Variants in GRHL1 observed in about 807,000 individuals in gnomAD.
GRHL1 encodes the protein grainyhead like transcription factor 1.
In GRHL1, 38 loss-of-function variants were observed where a neutral mutation model predicts 75.7. The observed-to-expected ratio is 0.50, with a 90% CI of 0.39 to 0.66. GRHL1 has a LOEUF of 0.66. Ranked by LOEUF, GRHL1 falls within the 30% of genes least tolerant of loss-of-function variation. The pLI is 0.00. For synonymous variants in GRHL1, 266 were observed against 279.4 expected (o/e 0.95, Z 0.48); for missense variants, 589 against 767.5 (o/e 0.77, Z 2.75).
chr2:9,960,284 C>T (rs889602057), intron 3 of GRHL1: 1 of 151,844 alleles, frequency 6.6e-6, no homozygotes, highest in African/African-American at 2.4e-5. Context: ...ACTAAAAATA[C>T]AAAAATTAGC....
chr2:9,975,765 A>G (rs1310048657), intron 8 of GRHL1, among the ~76,000 whole-genome samples: 1 of 152,094 alleles, frequency 6.6e-6, no homozygotes, highest in Non-Finnish European at 1.5e-5. Context: ...GCGTGCCTGT[A>G]ATCTCAGCTA....
At chr2:9,964,491 C>T (rs1037816217) in intron 7 of GRHL1, 145 bp downstream of exon 7, 9 of 588,590 alleles carry the variant, frequency 1.5e-5, no homozygotes, top group Middle Eastern at 2.8e-4. Context: ...ACACTGTCCT[C>T]GGCCTCCTGG....
chr2:9,956,691 G>C (rs185841806), intron 2 of GRHL1, among the ~76,000 whole-genome samples: 19 of 152,314 alleles, frequency 1.2e-4, no homozygotes, highest in African/African-American at 4.6e-4. Context: ...TAGCCATGAA[G>C]AGTTCCTTTG....
intron 8 of GRHL1, among the ~76,000 whole-genome samples, chr2:9,982,935 A>G (rs1217830645): frequency 1.3e-5 from 2 of 152,162 alleles, no homozygotes; most frequent in Non-Finnish European, 2.9e-5. Context: ...TCATCTAGAG[A>G]TCCACGAACT....
chr2:9,961,704 G>A (rs1667282754), intron 4 of GRHL1, among the ~76,000 whole-genome samples: 1 of 152,172 alleles, frequency 6.6e-6, no homozygotes, highest in Non-Finnish European at 1.5e-5. Flanking sequence ...TGGAGAAAGA[G>A]AACCCCATAC....
chr2:9,960,943 G>C, intron 3 of GRHL1, 103 bp from the exon 4 acceptor site: 2 of 785,880 alleles, frequency 2.5e-6, no homozygotes, highest in South Asian at 1.9e-5. Flanking sequence ...ATTCTGTCAA[G>C]TGTTATTGCA....
intron 8 of GRHL1, among the ~76,000 whole-genome samples, chr2:9,984,195 C>T (rs980874970): frequency 1.3e-5 from 2 of 151,950 alleles, no homozygotes; most frequent in African/African-American, 4.8e-5. Flanking sequence ...TGCCCCCCAA[C>T]CCCATTATAA....
At chr2:9,966,788 A>G (rs1667512225) in intron 8 of GRHL1, among the ~76,000 whole-genome samples, 1 of 152,136 alleles carries the variant, frequency 6.6e-6, no homozygotes, top group Non-Finnish European at 1.5e-5. Flanking sequence ...TTCAGGCTGC[A>G]GACTCTAGGC....
intron 2 of GRHL1, among the ~76,000 whole-genome samples, chr2:9,958,370 G>T (rs983736807): frequency 3.9e-5 from 6 of 151,952 alleles, no homozygotes; most frequent in Non-Finnish European, 8.8e-5. Context: ...TTGTAGAAAT[G>T]AGTTTCACTG....
At chr2:9,957,292 A>G (rs1448037673) in intron 2 of GRHL1, among the ~76,000 whole-genome samples, 1 of 150,416 alleles carries the variant, frequency 6.6e-6, no homozygotes, top group East Asian at 2.0e-4. Flanking sequence ...TGCCTGGCCT[A>G]TTTTCTTTTT....
chr2:9,996,880 C>T (rs1424701682), intron 14 of GRHL1, among the ~76,000 whole-genome samples: 7 of 152,144 alleles, frequency 4.6e-5, no homozygotes, highest in African/African-American at 7.2e-5. Context: ...GTCCATCTTA[C>T]GAGGATCTCA....
At chr2:9,981,634 C>T (rs999050119) in intron 8 of GRHL1, among the ~76,000 whole-genome samples, 3 of 152,184 alleles carry the variant, frequency 2.0e-5, no homozygotes, top group Non-Finnish European at 2.9e-5. Context: ...AAAATAATGT[C>T]GGGCCCTTTA....
intron 7 of GRHL1, 27 bp from the exon 8 acceptor site, chr2:9,965,260 C>T: frequency 7.7e-7 from 1 of 1,306,086 alleles, no homozygotes; most frequent in Non-Finnish European, 1.1e-6. Flanking sequence ...CATGAGTTTT[C>T]ATTTTCTCTT....
At position 9,992,297 on chromosome 2, in the gene GRHL1, A is replaced by T; in HGVS notation, c.1461+151A>T. 4.6e-6 allele frequency: 3 copies of T among 656,582 alleles called. No individual in the cohort carries two copies. Among genetic ancestry groups the T allele is most frequent in the Non-Finnish European group, 7.7e-6 (3 of 387,936 alleles). 40.7% of individuals were successfully genotyped at this position (656,582 alleles called of 1,614,324 possible). On this transcript the variant is annotated intron_variant, in intron 11 of 15. Coordinates refer to ENST00000324907, the MANE Select transcript of GRHL1 (RefSeq NM_198182.3). This position sits in a 1 kb window ranked among gnomAD's most constrained non-coding sequence, Gnocchi z 4.6. ...TGGAATATTCTGCTGGGGTGACATGATGCCCGTGCAATAAAAATGGTAAGC... is the reference window on the plus strand; with the variant it reads ...TGGAATATTCTGCTGGGGTGACATGTTGCCCGTGCAATAAAAATGGTAAGC...
Position 9,992,171 on chromosome 2 carries a change from G to A in GRHL1, c.1461+25G>A, listed in dbSNP as rs546249312. The A allele has an allele frequency of 1.9e-6, 3 of 1,598,242 alleles. No individual in the cohort carries two copies. Among genetic ancestry groups the A allele is most frequent in the African/African-American group, 1.3e-5 (1 of 74,300 alleles). ...TGTAGGTAACCAGGATCCCAGGGGA[G>A]GTTACCAGGAAGGAAGGCATGGCAA... On this transcript the variant is annotated intron_variant, in intron 11 of 15. Transcript: ENST00000324907. The surrounding 1 kb of genome is among the most constrained non-coding windows in gnomAD (Gnocchi z 4.6).
At chr2:9,984,636 C>T (rs892650359) in intron 8 of GRHL1, among the ~76,000 whole-genome samples, 2 of 152,164 alleles carry the variant, frequency 1.3e-5, no homozygotes, top group African/African-American at 4.8e-5. Flanking sequence ...ACATCTCCTG[C>T]CTTCCATTTC....
In GRHL1 at chr2:9,987,386, A is replaced by G. The variant is rs934021457; in HGVS notation, c.1269+1104A>G. On this transcript the variant is annotated intron_variant, in intron 9 of 15. Coordinates refer to ENST00000324907, the MANE Select transcript of GRHL1 (RefSeq NM_198182.3). This position sits in a 1 kb window ranked among gnomAD's most constrained non-coding sequence, Gnocchi z 4.2. ...GGTTGATAAGTACGTTTTGTTGGGCATGTCTGATAAGTAAAGGAGGTGCAC... is the reference window on the plus strand; with the variant it reads ...GGTTGATAAGTACGTTTTGTTGGGCGTGTCTGATAAGTAAAGGAGGTGCAC... Among the ~76,000 whole-genome samples, 4 of 152,182 alleles carry G rather than the reference A, an allele frequency of 2.6e-5. No individual in the cohort carries two copies. The highest frequency in any genetic ancestry group is 9.7e-5 in the African/African-American group (4 of 41,442).
rs199739120 is a variant in GRHL1, at chr2:9,964,322, G to A, written c.991G>A (p.Ala331Thr). Residue 331 changes from alanine (A) to threonine (T), a missense_variant, in exon 7 of 16, where the codon GCT (alanine) becomes ACT (threonine). Ala to Thr is a moderately conservative substitution (Grantham distance 58, BLOSUM62 0). Transcript: ENST00000324907. Reference protein sequence around the residue: ...WKYWHSRQHTAKQRCIDIADY... With the variant: ...WKYWHSRQHTTKQRCIDIADY... ...GTACTGGCACTCCCGGCAGCACACC[G>A]CTAAACAAAGATGCATTGACATAGG... The A allele has an allele frequency of 2.9e-5, 46 of 1,601,078 alleles. No homozygotes were observed. The highest frequency in any genetic ancestry group is 5.4e-5 in the African/African-American group (4 of 74,618).
At chr2:9,976,369 G>A (rs777484580) in intron 8 of GRHL1, among the ~76,000 whole-genome samples, 12 of 152,278 alleles carry the variant, frequency 7.9e-5, no homozygotes, top group Middle Eastern at 6.8e-3. Context: ...CCCAGAATGA[G>A]CTGTGACCTT....
Sources: gnomAD v4.1 joint callset for allele counts (sites outside exome capture counted in the v4.1 genomes callset) on GRCh38, gnomAD v4.1.1 for gene constraint, Gnocchi (gnomAD v3.1) non-coding constraint, MANE v1.5 for transcripts, NCBI Gene and HGNC (gene_info 2026-07-23, HGNC 2026-07-21) for gene names.